PRDM16: variants seen among roughly 807,000 people sequenced by gnomAD.
The protein encoded by PRDM16 is histone-lysine N-methyltransferase PRDM16.
PRDM16 carries 23 observed loss-of-function variants against 110.6 expected under a neutral mutation model. That is an observed-to-expected ratio of 0.21 (90% CI 0.15 to 0.29). PRDM16 has a LOEUF of 0.29. PRDM16 is among the 10% of genes least tolerant of loss of function. The pLI, the probability that PRDM16 is intolerant of heterozygous loss-of-function variation, is 1.00. For missense variants in PRDM16, 1,615 were observed against 1,794.3 expected, an observed-to-expected ratio of 0.90 and a Z score of 1.81; for synonymous variants, 799 against 781.8, an observed-to-expected ratio of 1.02 and a Z score of -0.37.
chr1:3,431,430 C>T (rs1012380675), intron 15 of PRDM16, among the ~76,000 whole-genome samples: 6 of 152,182 alleles, frequency 3.9e-5, no homozygotes, highest in East Asian at 3.9e-4. Flanking sequence ...TGGGACAGCG[C>T]GTGCAGCCAC....
chr1:3,182,252 C>A (rs1462342114), intron 1 of PRDM16, among the ~76,000 whole-genome samples: 1 of 152,218 alleles, frequency 6.6e-6, no homozygotes, highest in Admixed American at 6.5e-5. Flanking sequence ...TGAAATCTGC[C>A]CATCCCTGAC....
chr1:3,114,535 C>CACACATGA, intron 1 of PRDM16, among the ~76,000 whole-genome samples: 1 of 151,960 alleles, frequency 6.6e-6, no homozygotes, highest in East Asian at 1.9e-4. Context: ...CGCACACATG[C>CACACATGA]ACACATGAAC....
At chr1:3,225,393 A>G (rs957201710) in intron 2 of PRDM16, among the ~76,000 whole-genome samples, 5 of 152,130 alleles carry the variant, frequency 3.3e-5, no homozygotes, top group African/African-American at 1.2e-4. Flanking sequence ...TCTCTGCCCT[A>G]CCTTTAGTGC....
intron 14 of PRDM16, among the ~76,000 whole-genome samples, chr1:3,429,858 G>A (rs917557776): frequency 1.1e-4 from 16 of 152,260 alleles, no homozygotes; most frequent in African/African-American, 3.4e-4. Flanking sequence ...AGGCGAGTCC[G>A]AGACACGGAG....
At chr1:3,167,567 TG>T (rs1643974340) in intron 1 of PRDM16, among the ~76,000 whole-genome samples, 1 of 94,792 alleles carries the variant, frequency 1.1e-5, no homozygotes. Flanking sequence ...CATTGCCCCC[TG>T]CTCCTGCCAT....
rs34651898 is a variant in PRDM16, at chr1:3,422,435, T to C, written c.2940-3146T>C. On this transcript the variant is annotated intron_variant, in intron 12 of 16. Transcript: ENST00000270722. ...TGCCTCAACATGCCAGAGGGGCACA[T>C]GGCCCCAGCTGGGTGGGAAGCCTCT... 8.0e-3 allele frequency among the ~76,000 whole-genome samples: 1,224 copies of C among 152,280 alleles called. 12 individuals carry two copies. Among genetic ancestry groups the C allele is most frequent in the African/African-American group, 0.028 (1,155 of 41,568 alleles).
chr1:3,194,000 G>C (rs1249273179), intron 2 of PRDM16, among the ~76,000 whole-genome samples: 5 of 152,244 alleles, frequency 3.3e-5, no homozygotes, highest in African/African-American at 1.2e-4. Context: ...TCTGGCATCA[G>C]GCATGTGAAA....
chr1:3,188,763 G>A (rs1569806038), intron 2 of PRDM16, among the ~76,000 whole-genome samples: 2 of 152,110 alleles, frequency 1.3e-5, no homozygotes, highest in South Asian at 2.1e-4. Flanking sequence ...CATGTGCGTC[G>A]GTGCCTTCGG....
intron 3 of PRDM16, among the ~76,000 whole-genome samples, chr1:3,371,751 A>G (rs1376886296): frequency 6.6e-6 from 1 of 152,264 alleles, no homozygotes; most frequent in Non-Finnish European, 1.5e-5. Flanking sequence ...TGGTCCTGAC[A>G]GTGTGAAAGG....
intron 5 of PRDM16, among the ~76,000 whole-genome samples, chr1:3,402,157 C>T (rs1264480235): frequency 2.0e-5 from 3 of 152,206 alleles, no homozygotes; most frequent in African/African-American, 7.2e-5. Context: ...TCAGTGCCAG[C>T]GTTCTTTCCA....
intron 1 of PRDM16, among the ~76,000 whole-genome samples, chr1:3,115,080 C>T (rs924799900): frequency 6.6e-6 from 1 of 152,272 alleles, no homozygotes; most frequent in Non-Finnish European, 1.5e-5. Flanking sequence ...TGGCCAGCCT[C>T]TGAGCCTGAG....
At chr1:3,089,908 A>C (rs1416304178) in intron 1 of PRDM16, among the ~76,000 whole-genome samples, 4 of 125,316 alleles carry the variant, frequency 3.2e-5, no homozygotes, top group African/African-American at 6.9e-5. Context: ...CCAGCGTCTA[A>C]AATCCACTCA....
At chr1:3,332,736 C>T (rs559100322) in intron 3 of PRDM16, among the ~76,000 whole-genome samples, 10 of 151,834 alleles carry the variant, frequency 6.6e-5, no homozygotes, top group South Asian at 2.1e-4. Flanking sequence ...CTCCCCACCG[C>T]CCGTCCCCCC....
intron 3 of PRDM16, among the ~76,000 whole-genome samples, chr1:3,247,177 A>T (rs551229509): frequency 6.6e-6 from 1 of 151,740 alleles, no homozygotes; most frequent in African/African-American, 2.4e-5. Flanking sequence ...TGGGTGGGCA[A>T]CTCCTGTGTC....
chr1:3,260,676 TTTGA>T (rs535627497), intron 3 of PRDM16, among the ~76,000 whole-genome samples: 660 of 12,586 alleles, frequency 0.052, 13 homozygotes, highest in African/African-American at 0.16. Flanking sequence ...TGATCATAGC[TTTGA>T]TTATGATGGT....
At chr1:3,135,920 G>T (rs528083242) in intron 1 of PRDM16, among the ~76,000 whole-genome samples, 5 of 152,346 alleles carry the variant, frequency 3.3e-5, no homozygotes, top group African/African-American at 1.2e-4. Flanking sequence ...CTGCAGAGCG[G>T]GGCAGGGGCC....
At chr1:3,302,728 G>C (rs1050225496) in intron 3 of PRDM16, among the ~76,000 whole-genome samples, 1 of 152,100 alleles carries the variant, frequency 6.6e-6, no homozygotes, top group Non-Finnish European at 1.5e-5. Flanking sequence ...AGTGAAATCG[G>C]CCACAAAAAA....
chr1:3,206,658 G>A lies in PRDM16; in HGVS notation c.387+20184G>A, dbSNP rs1401986413. 1 of 152,250 alleles carries A rather than the reference G, an allele frequency of 6.6e-6. No individual in the cohort carries two copies. Among genetic ancestry groups the A allele is most frequent in the Non-Finnish European group, 1.5e-5 (1 of 68,108 alleles). The allele number at this position is 152,250 out of a possible 1,614,324, so 9.4% of individuals were successfully genotyped here. On this transcript the variant is annotated intron_variant, in intron 2 of 16. Coordinates refer to ENST00000270722, the MANE Select transcript of PRDM16 (RefSeq NM_022114.4). This position sits in a 1 kb window ranked among gnomAD's most constrained non-coding sequence, Gnocchi z 4.9. ...GGAACCCGTGGCCTAGGGTGAGCTG[G>A]GTCTGAGGCTTTGGGACCCGTGCCT... is the stretch of plus-strand genomic sequence containing the variant.
intron 2 of PRDM16, among the ~76,000 whole-genome samples, chr1:3,233,152 C>G (rs1426130562): frequency 6.6e-6 from 1 of 152,206 alleles, no homozygotes; most frequent in Non-Finnish European, 1.5e-5. Flanking sequence ...ACCGGGCTGC[C>G]CTGGAGGAGT....
Sources: allele counts gnomAD v4.1 joint callset (sites outside exome capture counted in the v4.1 genomes callset), GRCh38; gene constraint gnomAD v4.1.1; non-coding constraint Gnocchi (gnomAD v3.1); transcripts MANE v1.5; gene names NCBI Gene and HGNC (gene_info 2026-07-23, HGNC 2026-07-21).